Variants in RFWD3 observed in about 807,000 individuals in gnomAD.
RFWD3 encodes ring finger and WD repeat domain 3.
RFWD3 carries 65 observed loss-of-function variants against 87.7 expected under a neutral mutation model. The ratio of observed to expected loss-of-function variants is 0.74; its 90% CI spans 0.61 to 0.91. The LOEUF (loss-of-function observed/expected upper bound fraction) is 0.91, where lower values mean the gene tolerates loss of function less well. RFWD3 is among the 40% of genes least tolerant of loss of function. The probability of loss-of-function intolerance (pLI) is 0.00; values close to 1 mark genes in which losing one functional copy is unlikely to be tolerated. For synonymous variants in RFWD3, 433 were observed against 352.8 expected, an observed-to-expected ratio of 1.23 and a Z score of -2.55; for missense variants, 1,078 against 938.5, an observed-to-expected ratio of 1.15 and a Z score of -1.94.
intron 3 of RFWD3, among the ~76,000 whole-genome samples, chr16:74,650,639 T>C (rs991690103): frequency 6.6e-6 from 1 of 152,124 alleles, no homozygotes; most frequent in African/African-American, 2.4e-5. Context: ...ATGACTTTTC[T>C]ATCGTTCCTG....
intron 8 of RFWD3, among the ~76,000 whole-genome samples, chr16:74,635,089 G>A (rs1427937821): frequency 6.6e-6 from 1 of 152,038 alleles, no homozygotes; most frequent in African/African-American, 2.4e-5. Flanking sequence ...GACCATCCTG[G>A]CTAACACGGT....
Position 74,632,676 on chromosome 16 carries a change from GA to G in RFWD3, c.1427-4del, listed in dbSNP as rs775594158. On this transcript the variant is annotated splice_polypyrimidine_tract_variant and splice_region_variant and intron_variant, in intron 8 of 12. Transcript: ENST00000361070. ...ACTCAACATCTTAACACCAAAGCCT[GA>G]AAAAGGCAAAATAGTATGAAATAGA... 1.9e-6 allele frequency: 3 copies of G among 1,613,324 alleles called. No homozygotes were observed. Among genetic ancestry groups the G allele is most frequent in the South Asian group, 2.2e-5 (2 of 90,936 alleles).
chr16:74,632,456 C>A (rs144389371), intron 9 of RFWD3, 67 bp downstream of exon 9: 1 of 1,528,216 alleles, frequency 6.5e-7, no homozygotes, highest in South Asian at 1.2e-5. Context: ...ATCATAACAC[C>A]GATACGAATT....
chr16:74,639,694 T>A (rs1307231742), intron 6 of RFWD3, among the ~76,000 whole-genome samples: 3 of 152,136 alleles, frequency 2.0e-5, no homozygotes, highest in Non-Finnish European at 2.9e-5. Context: ...AAAATTAATA[T>A]GAAGAACAAT....
chr16:74,631,522 C>T (rs1268318712), intron 9 of RFWD3, among the ~76,000 whole-genome samples: 1 of 151,880 alleles, frequency 6.6e-6, no homozygotes, highest in Non-Finnish European at 1.5e-5. Context: ...TGGTATGTAA[C>T]ATTTTTCTAC....
At chr16:74,628,828 A>C (rs1183914356) in intron 10 of RFWD3, among the ~76,000 whole-genome samples, 162 bp from the exon 11 acceptor site, 1 of 152,220 alleles carries the variant, frequency 6.6e-6, no homozygotes, top group Admixed American at 6.5e-5. Flanking sequence ...CTCTCTGTAG[A>C]AACAAAAGGA....
chr16:74,659,415 C>T (rs751517534), intron 2 of RFWD3, among the ~76,000 whole-genome samples: 14 of 152,098 alleles, frequency 9.2e-5, no homozygotes, highest in African/African-American at 2.7e-4. Flanking sequence ...GCCTTTATAA[C>T]GTGAGTAATG....
chr16:74,645,672 G>C, intron 4 of RFWD3, among the ~76,000 whole-genome samples: 1 of 151,328 alleles, frequency 6.6e-6, no homozygotes, highest in Non-Finnish European at 1.5e-5. Flanking sequence ...CATCTAATGG[G>C]ACAACCATCA....
chr16:74,654,603 A>C (rs1295448551), intron 2 of RFWD3, among the ~76,000 whole-genome samples: 2 of 152,172 alleles, frequency 1.3e-5, no homozygotes, highest in Non-Finnish European at 2.9e-5. Context: ...AATTAAGGGA[A>C]GAGTCAGGCA....
At chr16:74,628,209 G>A (rs1272592941) in intron 11 of RFWD3, among the ~76,000 whole-genome samples, 1 of 152,154 alleles carries the variant, frequency 6.6e-6, no homozygotes, top group Non-Finnish European at 1.5e-5. Flanking sequence ...CTCCTAAGTG[G>A]CTAATTCACT....
At chr16:74,663,199 C>A (rs1040166172) in intron 1 of RFWD3, among the ~76,000 whole-genome samples, 39 of 152,044 alleles carry the variant, frequency 2.6e-4, no homozygotes, top group African/African-American at 9.4e-4. Flanking sequence ...CCACCGCGCC[C>A]GGCCAATACT....
At chr16:74,666,263 A>G (rs1044382686) in intron 1 of RFWD3, 1 of 152,242 alleles carries the variant, frequency 6.6e-6, no homozygotes, top group Non-Finnish European at 1.5e-5. Context: ...TTCTTTTACT[A>G]CATGGGGAAA....
At chr16:74,650,984 C>T (rs987531949) in intron 3 of RFWD3, among the ~76,000 whole-genome samples, 1 of 108,378 alleles carries the variant, frequency 9.2e-6, no homozygotes, top group Non-Finnish European at 1.8e-5. Flanking sequence ...ATATTCCTGA[C>T]CCTTTATTTA....
At chr16:74,634,353 T>A (rs927001245) in intron 8 of RFWD3, among the ~76,000 whole-genome samples, 2 of 149,570 alleles carry the variant, frequency 1.3e-5, no homozygotes. Context: ...TAGGCTATGA[T>A]AACATTTATT....
chr16:74,647,485 A>G (rs1415193479), intron 4 of RFWD3, among the ~76,000 whole-genome samples: 2 of 151,912 alleles, frequency 1.3e-5, no homozygotes, highest in African/African-American at 4.8e-5. Context: ...ATGGGGTTTC[A>G]CCCTGTTGGC....
chr16:74,628,669 G>A lies in RFWD3; in HGVS notation c.1755-3C>T. On this transcript the variant is annotated splice_region_variant and splice_polypyrimidine_tract_variant and intron_variant, in intron 10 of 12. Transcript: ENST00000361070. The stretch of plus-strand genomic sequence containing the variant: ...ATGACAGGGAGACCAGTGGGCATCT[G>A]AAAGGAAAGTAAGGAAACTGTATCT... 6.2e-7 allele frequency: 1 copy of A among 1,613,932 alleles called. No homozygotes were observed. Among genetic ancestry groups the A allele is most frequent in the Non-Finnish European group, 8.5e-7 (1 of 1,179,896 alleles).
chr16:74,651,851 TC>T, intron 3 of RFWD3, 68 bp downstream of exon 3: 1 of 1,393,894 alleles, frequency 7.2e-7, no homozygotes, highest in Non-Finnish European at 1.0e-6. Flanking sequence ...AAATCTAGTT[TC>T]TAGCCTTCCG....
At chr16:74,649,823 T>TC (rs1292675592) in intron 3 of RFWD3, among the ~76,000 whole-genome samples, 2 of 152,300 alleles carry the variant, frequency 1.3e-5, no homozygotes, top group South Asian at 2.1e-4. Flanking sequence ...CCCATTTTTT[T>TC]CCCCTCTGTT....
rs1597402405 is a variant in RFWD3 at position 74,623,758 on chromosome 16, A to G, written c.*170T>C. 1 of 625,230 alleles carries G rather than the reference A, an allele frequency of 1.6e-6. No individual in the cohort carries two copies. The highest frequency in any genetic ancestry group is 2.8e-6 in the Non-Finnish European group (1 of 362,544). 38.7% of individuals were successfully genotyped at this position (625,230 alleles called of 1,614,324 possible). On this transcript the variant is annotated 3_prime_UTR_variant, in exon 13 of 13. Coordinates refer to ENST00000361070, the MANE Select transcript of RFWD3 (RefSeq NM_018124.4). Reference sequence around the variant, plus strand: ...CTTTTAGTGGACATAACAGATACACAATCTGTAGTGTCTCAGTGACCTAGG... The same window carrying G: ...CTTTTAGTGGACATAACAGATACACGATCTGTAGTGTCTCAGTGACCTAGG...
Sources: gnomAD v4.1 joint callset for allele counts (sites outside exome capture counted in the v4.1 genomes callset) on GRCh38, gnomAD v4.1.1 for gene constraint, MANE v1.5 for transcripts, NCBI Gene and HGNC (gene_info 2026-07-23, HGNC 2026-07-21) for gene names.